Variants in CFHR5 observed in about 807,000 individuals in gnomAD.
CFHR5 encodes the protein complement factor H related 5, also known as complement factor H-related protein 5.
CFHR5 carries 73 observed loss-of-function variants against 62.9 expected under a neutral mutation model. The observed-to-expected ratio is 1.16, with a 90% CI of 0.96 to 1.41. The LOEUF is 1.41. Among genes scored for constraint, CFHR5 ranks in the 40% most tolerant of loss-of-function variants. The pLI is 0.00. For synonymous variants in CFHR5, 249 were observed against 227.2 expected (o/e 1.10, Z -0.86); for missense variants, 779 against 679.9 (o/e 1.15, Z -1.62).
intron 4 of CFHR5, among the ~76,000 whole-genome samples, chr1:196,995,156 A>G (rs1653956324): frequency 6.6e-6 from 1 of 152,182 alleles, no homozygotes; most frequent in Non-Finnish European, 1.5e-5. Context: ...ACTTTTATAT[A>G]ACTTTCAGAT....
At chr1:196,979,126 T>C (rs753442425) in intron 1 of CFHR5, among the ~76,000 whole-genome samples, 3 of 152,194 alleles carry the variant, frequency 2.0e-5, no homozygotes, top group Non-Finnish European at 4.4e-5. Context: ...TTGTGCTTCA[T>C]GCTGTAGCAA....
chr1:196,997,969 A>C (rs994308641), intron 6 of CFHR5, among the ~76,000 whole-genome samples, 159 bp from the exon 7 acceptor site: 2 of 151,878 alleles, frequency 1.3e-5, no homozygotes, highest in African/African-American at 4.8e-5. Flanking sequence ...TTTTTGTTTT[A>C]TTTTTTCTTT....
chr1:196,992,614 G>A (rs1855116), intron 3 of CFHR5, among the ~76,000 whole-genome samples: 17,213 of 152,122 alleles, frequency 0.11, 1,196 homozygotes, highest in African/African-American at 0.19. Flanking sequence ...CATCGATCAC[G>A]CTGGGAGCTG....
intron 7 of CFHR5, among the ~76,000 whole-genome samples, chr1:197,000,740 AAT>A (rs1362570497): frequency 3.9e-5 from 6 of 152,308 alleles, no homozygotes; most frequent in Middle Eastern, 3.4e-3. Context: ...GATGATACTC[AAT>A]AAGTATTCAT....
At chr1:196,992,684 A>G (rs567226476) in intron 3 of CFHR5, among the ~76,000 whole-genome samples, 20 of 152,300 alleles carry the variant, frequency 1.3e-4, no homozygotes, top group African/African-American at 4.8e-4. Flanking sequence ...ATTATTTTCA[A>G]TGGCATTTTG....
At chr1:197,000,343 G>A (rs1654121684) in intron 7 of CFHR5, among the ~76,000 whole-genome samples, 1 of 152,038 alleles carries the variant, frequency 6.6e-6, no homozygotes, top group South Asian at 2.1e-4. Context: ...GCTTCAAGAA[G>A]TTATTTGGTC....
At chr1:196,991,116 T>C (rs1451205924) in intron 3 of CFHR5, among the ~76,000 whole-genome samples, 1 of 152,214 alleles carries the variant, frequency 6.6e-6, no homozygotes, top group Non-Finnish European at 1.5e-5. Context: ...ATTAATTTGA[T>C]CTTCAATCAC....
chr1:196,993,024 C>T (rs544159887), intron 3 of CFHR5, among the ~76,000 whole-genome samples: 1 of 152,062 alleles, frequency 6.6e-6, no homozygotes, highest in Non-Finnish European at 1.5e-5. Context: ...ATTTTATAAA[C>T]TAACCATTAA....
chr1:196,978,964 G>A (rs1653466909), intron 1 of CFHR5, among the ~76,000 whole-genome samples: 1 of 152,070 alleles, frequency 6.6e-6, no homozygotes, highest in Non-Finnish European at 1.5e-5. Flanking sequence ...AAGTTGTCTA[G>A]GTGTTAAATG....
In CFHR5 at chr1:197,004,759, C is replaced by T. The variant is rs747692331; in HGVS notation, c.1429C>T (p.Arg477Cys). ...VYPPGSTVTY[R>C]CQSFYKLQGS... ...TCCTCCAGGGTCAACAGTGACGTAC[C>T]GTTGCCAGTCCTTCTATAAACTCCA... is the stretch of plus-strand genomic sequence containing the variant. The change falls in exon 9 of 10, where the codon CGT becomes TGT. Residue 477 changes from arginine to cysteine, a missense_variant. Physicochemically the swap from Arg to Cys is radical, Grantham distance 180. Transcript: ENST00000256785. 1.2e-6 allele frequency: 2 copies of T among 1,612,642 alleles called. No individual in the cohort carries two copies. The highest frequency in any genetic ancestry group is 1.3e-5 in the African/African-American group (1 of 74,750).
intron 7 of CFHR5, among the ~76,000 whole-genome samples, chr1:196,999,123 T>A (rs187563888): frequency 1.3e-5 from 2 of 151,892 alleles, no homozygotes; most frequent in Admixed American, 6.6e-5. Flanking sequence ...ACATTAATGA[T>A]ATAAAATACT....
At chr1:196,981,724 A>C (rs924890726) in intron 1 of CFHR5, among the ~76,000 whole-genome samples, 1 of 152,012 alleles carries the variant, frequency 6.6e-6, no homozygotes, top group Non-Finnish European at 1.5e-5. Context: ...CAGATGCTCA[A>C]GTCTCTAAGA....
chr1:196,976,435 T>A (rs1330907081), upstream of CFHR5, among the ~76,000 whole-genome samples: 4 of 152,156 alleles, frequency 2.6e-5, no homozygotes, highest in African/African-American at 7.2e-5. Context: ...AAGTCACTCT[T>A]CTCCAGCAGG....
At chr1:196,995,418 C>T (rs1411900891) in intron 4 of CFHR5, among the ~76,000 whole-genome samples, 4 of 152,066 alleles carry the variant, frequency 2.6e-5, no homozygotes, top group Admixed American at 6.6e-5. Flanking sequence ...TCAATTACTT[C>T]ACAAAAAATA....
At chr1:196,990,103 A>G (rs1653805673) in intron 3 of CFHR5, among the ~76,000 whole-genome samples, 1 of 152,018 alleles carries the variant, frequency 6.6e-6, no homozygotes, top group African/African-American at 2.4e-5. Context: ...TGTTGAATTG[A>G]TCCCTTTACC....
At chr1:197,005,103 T>C (rs937096506) in intron 9 of CFHR5, among the ~76,000 whole-genome samples, 8 of 152,196 alleles carry the variant, frequency 5.3e-5, no homozygotes, top group Admixed American at 5.2e-4. Context: ...CAGAGCTATT[T>C]ATGGGGCCTA....
At chr1:197,007,690 G>A (rs1343648889) in intron 9 of CFHR5, among the ~76,000 whole-genome samples, 1 of 146,740 alleles carries the variant, frequency 6.8e-6, no homozygotes, top group African/African-American at 2.5e-5. Flanking sequence ...ACATAAGTAT[G>A]TATGTATAAT....
intron 7 of CFHR5, among the ~76,000 whole-genome samples, chr1:196,999,737 A>ATG (rs1654091284): frequency 1.0e-4 from 8 of 78,324 alleles, no homozygotes; most frequent in Non-Finnish European, 1.5e-4. Flanking sequence ...ACACACACAT[A>ATG]TATATACACA....
chr1:197,005,575 A>G (rs367750746), intron 9 of CFHR5, among the ~76,000 whole-genome samples: 8 of 152,168 alleles, frequency 5.3e-5, no homozygotes, highest in African/African-American at 1.7e-4. Flanking sequence ...ATACAAAGAT[A>G]TGGGGCGAAT....
Sources: gnomAD v4.1 joint callset for allele counts (sites outside exome capture counted in the v4.1 genomes callset) on GRCh38, gnomAD v4.1.1 for gene constraint, MANE v1.5 for transcripts, NCBI Gene and HGNC (gene_info 2026-07-23, HGNC 2026-07-21) for gene names.